Variants in MLPH observed in about 807,000 individuals in gnomAD.
MLPH encodes the protein exophilin-3.
In MLPH, 51 loss-of-function variants were observed where a neutral mutation model predicts 72.1. The observed-to-expected ratio is 0.71, with a 90% CI of 0.56 to 0.89. The LOEUF (loss-of-function observed/expected upper bound fraction) is 0.89, where lower values mean the gene tolerates loss of function less well. Among genes scored for constraint, MLPH ranks in the 40% least tolerant of loss-of-function variants. The pLI, the probability that MLPH is intolerant of heterozygous loss-of-function variation, is 0.00. For synonymous variants in MLPH, 301 were observed against 310.1 expected, an observed-to-expected ratio of 0.97 and a Z score of 0.31; for missense variants, 743 against 759.9, an observed-to-expected ratio of 0.98 and a Z score of 0.26.
chr2:237,514,075 C>T (rs1273503286), intron 4 of MLPH, among the ~76,000 whole-genome samples: 1 of 152,012 alleles, frequency 6.6e-6, no homozygotes. Flanking sequence ...GGGTGGACTG[C>T]GTGTGGAAAG....
intron 7 of MLPH, 55 bp downstream of exon 7, chr2:237,525,860 A>G: frequency 1.3e-6 from 2 of 1,543,744 alleles, no homozygotes; most frequent in Non-Finnish European, 1.8e-6. Flanking sequence ...GGAGCAGGTC[A>G]CTGAGGAACA....
intron 5 of MLPH, among the ~76,000 whole-genome samples, chr2:237,518,915 T>A (rs2080112549): frequency 6.6e-6 from 1 of 151,782 alleles, no homozygotes; most frequent in South Asian, 2.1e-4. Flanking sequence ...GTGGCCAGAG[T>A]CTGGGGGCAC....
Position 237,517,849 on chromosome 2 carries a change from TG to T in MLPH, c.446-688del, listed in dbSNP as rs2080084128. Among the ~76,000 whole-genome samples the T allele has an allele frequency of 4.1e-5, 6 of 146,266 alleles. No homozygotes were observed. In the South Asian group the frequency reaches 1.3e-3, roughly 32 times the overall value. On this transcript the variant is annotated intron_variant, in intron 4 of 15. Transcript: ENST00000264605. ...GATGAATGAAGGAGAGAGGCATGGG[TG>T]GTAGGTGGATGGATGGATGAATAAA...
intron 6 of MLPH, among the ~76,000 whole-genome samples, chr2:237,524,302 A>ATATATATATATATATAT (rs2080253513): frequency 7.9e-6 from 1 of 127,368 alleles, no homozygotes; most frequent in African/African-American, 4.1e-5. Flanking sequence ...GAACTAATAG[A>ATATATATATATATATAT]ATATATATAT....
rs1304579781 is a variant in MLPH, at chr2:237,511,096, G to A, written c.440G>A (p.Gly147Asp). 6.2e-7 allele frequency: 1 copy of A among 1,613,404 alleles called. No homozygotes were observed. Among genetic ancestry groups the A allele is most frequent in the African/African-American group, 1.3e-5 (1 of 75,004 alleles). The stretch of plus-strand genomic sequence containing the variant: ...CGGTCCCTCCACGGGCGGCTGCAGG[G>A]TGGAGGTAAGGAGTGGAGAGTAAGA... ...VIRSLHGRLQGGAGPELISEE... is the reference protein window; with the variant it reads ...VIRSLHGRLQDGAGPELISEE... The change falls in exon 4 of 16, where the codon GGT becomes GAT. Residue 147 changes from glycine (G) to aspartate (D), a missense_variant. By Grantham distance (94) the Gly-to-Asp change is moderately conservative. Coordinates refer to ENST00000264605, the MANE Select transcript of MLPH (RefSeq NM_024101.7).
chr2:237,516,538 C>G (rs959098802), intron 4 of MLPH, among the ~76,000 whole-genome samples: 1 of 152,234 alleles, frequency 6.6e-6, no homozygotes, highest in African/African-American at 2.4e-5. Flanking sequence ...CATTCACACT[C>G]CACAGCTCCA....
intron 2 of MLPH, among the ~76,000 whole-genome samples, chr2:237,508,257 G>A (rs2079817790): frequency 6.6e-6 from 1 of 152,082 alleles, no homozygotes; most frequent in South Asian, 2.1e-4. Flanking sequence ...GATTACAGGT[G>A]TCCACCACTG....
intron 2 of MLPH, among the ~76,000 whole-genome samples, chr2:237,494,983 A>G (rs2079506926): frequency 6.6e-6 from 1 of 152,192 alleles, no homozygotes; most frequent in South Asian, 2.1e-4. Context: ...CCTCAGAGCT[A>G]CATTCCAGCT....
chr2:237,517,450 CATGGATGGATGG>C (rs1175688144), intron 4 of MLPH, among the ~76,000 whole-genome samples: 56 of 127,558 alleles, frequency 4.4e-4, no homozygotes, highest in African/African-American at 1.6e-3. Flanking sequence ...TGGATGGATG[CATGGATGGATGG>C]ATGGATAGAT....
rs1036757689 is a variant in MLPH, at chr2:237,510,152, G to A, written c.111-422G>A. 7 of 295,850 alleles carry A rather than the reference G, an allele frequency of 2.4e-5. No individual in the cohort carries two copies. The highest frequency in any genetic ancestry group is 1.4e-4 in the South Asian group (4 of 29,340). The allele number at this position is 295,850 out of a possible 1,614,324, so 18.3% of individuals were successfully genotyped here. Reference sequence around the variant, plus strand: ...CGCTCTAGAGGAGCAAACCTGGGGCGTTAGCTCAACTCTTGCCCCCCTGCT... The same window carrying A: ...CGCTCTAGAGGAGCAAACCTGGGGCATTAGCTCAACTCTTGCCCCCCTGCT... On this transcript the variant is annotated intron_variant, in intron 2 of 15. Coordinates refer to ENST00000264605, the MANE Select transcript of MLPH (RefSeq NM_024101.7). The surrounding 1 kb of genome is among the most constrained non-coding windows in gnomAD (Gnocchi z 4.4).
At chr2:237,519,575 C>T (rs1225141506) in intron 5 of MLPH, among the ~76,000 whole-genome samples, 3 of 152,132 alleles carry the variant, frequency 2.0e-5, no homozygotes. Context: ...CCGCCCCTCT[C>T]CCAGCCCTGG....
intron 4 of MLPH, 95 bp downstream of exon 4, chr2:237,511,196 GTGTGTGTGCA>G: frequency 1.1e-6 from 1 of 938,262 alleles, no homozygotes; most frequent in Non-Finnish European, 1.8e-6. Context: ...GTGTGTACGT[GTGTGTGTGCA>G]TGTGTGTGTG....
chr2:237,525,015 C>T (rs916373827), intron 6 of MLPH, among the ~76,000 whole-genome samples: 2 of 152,160 alleles, frequency 1.3e-5, no homozygotes, highest in African/African-American at 4.8e-5. Flanking sequence ...CTGGCCTCCA[C>T]CCCCCACTCA....
At chr2:237,495,661 C>T (rs1271632431) in intron 2 of MLPH, among the ~76,000 whole-genome samples, 1 of 152,188 alleles carries the variant, frequency 6.6e-6, no homozygotes, top group Non-Finnish European at 1.5e-5. Flanking sequence ...GCCTCCCCAC[C>T]GTGTGATCCC....
chr2:237,513,894 G>A (rs533767372), intron 4 of MLPH, among the ~76,000 whole-genome samples: 2 of 152,142 alleles, frequency 1.3e-5, no homozygotes, highest in South Asian at 2.1e-4. Context: ...GGGCACGTTC[G>A]GAGCCAAAAG....
chr2:237,551,276 C>G (rs7579217), intron 14 of MLPH, among the ~76,000 whole-genome samples: 16,446 of 152,298 alleles, frequency 0.11, 3,009 homozygotes, highest in African/African-American at 0.37. Flanking sequence ...GGCCAGGCCA[C>G]ATGACCCTGC....
At chr2:237,553,135 A>C (rs1383485258) in intron 15 of MLPH, 3 of 473,398 alleles carry the variant, frequency 6.3e-6, no homozygotes, top group African/African-American at 6.0e-5. Flanking sequence ...CAGTCGCAGG[A>C]GGCAACCAAT....
intron 8 of MLPH, among the ~76,000 whole-genome samples, chr2:237,534,078 G>A (rs2080481668): frequency 2.0e-5 from 3 of 152,198 alleles, no homozygotes; most frequent in Admixed American, 2.0e-4. Context: ...GGTGACTCAA[G>A]GGATGAGGAA....
At chr2:237,523,668 G>C (rs184227597) in intron 6 of MLPH, among the ~76,000 whole-genome samples, 1 of 152,082 alleles carries the variant, frequency 6.6e-6, no homozygotes, top group African/African-American at 2.4e-5. Context: ...GTGTAAAGAA[G>C]GTTTAATACT....
Sources: allele counts gnomAD v4.1 joint callset (sites outside exome capture counted in the v4.1 genomes callset), GRCh38; gene constraint gnomAD v4.1.1; non-coding constraint Gnocchi (gnomAD v3.1); transcripts MANE v1.5; gene names NCBI Gene and HGNC (gene_info 2026-07-23, HGNC 2026-07-21).